The following KIFC2 variants were observed in gnomAD, a reference collection of about 807,000 sequenced individuals.
KIFC2 encodes the protein kinesin family member C2.
A neutral mutation model predicts 91.5 loss-of-function variants in KIFC2; 94 were observed. The observed-to-expected ratio is 1.03, with a 90% confidence interval of 0.87 to 1.22. The LOEUF (loss-of-function observed/expected upper bound fraction) is 1.22. Among genes scored for constraint, KIFC2 ranks in the 50% most tolerant of loss-of-function variants. KIFC2 has a pLI of 0.00. For missense variants in KIFC2, 1,357 were observed against 1,103.3 expected (o/e 1.23, Z -3.26); for synonymous variants, 729 against 503.9 (o/e 1.45, Z -5.98).
In KIFC2 at chr8:144,466,996, C is replaced by T; in HGVS notation, c.216C>T (p.Ala72=). The T allele has an allele frequency of 1.9e-6, 3 of 1,597,028 alleles. No individual in the cohort carries two copies. The highest frequency in any genetic ancestry group is 2.6e-6 in the Non-Finnish European group (3 of 1,176,138). ...CTGAGGATGGGTCGGAAGGCGCAGCCGAGGGCCGCGCGGCCGCGGTGTCCC... is the reference window on the plus strand; with the variant it reads ...CTGAGGATGGGTCGGAAGGCGCAGCTGAGGGCCGCGCGGCCGCGGTGTCCC... ...SEPEDGSEGA[A]EGRAAAVSLE... The change falls in exon 3 of 18, where the codon GCC becomes GCT. Residue 72 remains alanine, a synonymous_variant. Transcript: ENST00000645548.
intron 10 of KIFC2, 116 bp downstream of exon 10, chr8:144,468,950 C>G (rs1466661794): frequency 7.4e-6 from 6 of 808,094 alleles, no homozygotes; most frequent in Admixed American, 5.1e-5. Flanking sequence ...GGAACCCAAA[C>G]AGCTTCTGTG....
chr8:144,473,225 C>T lies in KIFC2; in HGVS notation c.2212C>T (p.Arg738Cys). 4 of 1,595,794 alleles carry T rather than the reference C, an allele frequency of 2.5e-6. No homozygotes were observed. The highest frequency in any genetic ancestry group is 2.6e-6 in the Non-Finnish European group (3 of 1,172,432). ...AGTGGAGCTGGGGCCAGCCCGGCGCCGCAGGGTCCCGCGCTCCTCCGGGAC... is the reference window on the plus strand; with the variant it reads ...AGTGGAGCTGGGGCCAGCCCGGCGCTGCAGGGTCCCGCGCTCCTCCGGGAC... ...GQVELGPARR[R>C]RVPRSSGTPS... is the part of the protein sequence containing the mutation. The change falls in exon 18 of 18, where the codon CGC becomes TGC. Residue 738 changes from arginine (R) to cysteine (C), a missense_variant. Transcript: ENST00000645548.
rs894315121 is a variant in KIFC2, at chr8:144,468,827, G to A, written c.1106G>A (p.Arg369Gln). The change falls in exon 10 of 18, where the codon CGG becomes CAG. Residue 369 changes from arginine to glutamine, a missense_variant. Physicochemically the swap from Arg to Gln is conservative, Grantham distance 43 (BLOSUM62 1). Coordinates refer to ENST00000645548, the MANE Select transcript of KIFC2 (RefSeq NM_001369769.2). Reference protein sequence around the residue: ...QSCQGSLSEARGQVSWALGAL... With the variant: ...QSCQGSLSEAQGQVSWALGAL... ...TGTCAGGGTTCGCTGAGTGAGGCCCGGGGCCAGGTCAGGACCCCTCCCCGC... is the reference window on the plus strand; with the variant it reads ...TGTCAGGGTTCGCTGAGTGAGGCCCAGGGCCAGGTCAGGACCCCTCCCCGC... The A allele has an allele frequency of 8.7e-6, 14 of 1,613,224 alleles. No individual in the cohort carries two copies. Among genetic ancestry groups the A allele is most frequent in the Admixed American group, 1.7e-5 (1 of 60,012 alleles).
Position 144,473,468 on chromosome 8 carries a change from G to A in KIFC2, c.*79G>A. On this transcript the variant is annotated 3_prime_UTR_variant, in exon 18 of 18. Transcript: ENST00000645548. ...GGCGGTAGTAAAGTCCCTGTACCCC[G>A]TCTCCCAGGGCACAAGCTCCCTAGC... The A allele has an allele frequency of 6.8e-7, 1 of 1,464,296 alleles. No homozygotes were observed. The highest frequency in any genetic ancestry group is 9.0e-7 in the Non-Finnish European group (1 of 1,110,486). The allele number at this position is 1,464,296 out of a possible 1,614,324, so 90.7% of individuals were successfully genotyped here. A position where few individuals can be genotyped will look rare whatever the true frequency, so the allele number is the denominator to read the frequency against.
rs919937688 is a variant in KIFC2, at chr8:144,468,590, C to T, written c.943C>T (p.Gln315Ter). The T allele has an allele frequency of 1.9e-6, 3 of 1,611,728 alleles. No homozygotes were observed. Among genetic ancestry groups the T allele is most frequent in the Non-Finnish European group, 2.5e-6 (3 of 1,179,022 alleles). ...QGLQGALQQLQQETEQNCRRE... is the reference protein window; with the variant it reads ...QGLQGALQQL ...CCTTCAAGGGGCCCTCCAGCAGCTC[C>T]AGCAGGAGACGGAGCAGAACTGCAG... The change falls in exon 9 of 18, where the codon CAG becomes TAG. Residue 315 changes from glutamine (Q) to a stop codon, truncating the protein, a stop_gained. Coordinates refer to ENST00000645548, the MANE Select transcript of KIFC2 (RefSeq NM_001369769.2). LOFTEE classifies it high-confidence loss of function.
At chr8:144,467,446 G>T in intron 4 of KIFC2, 39 bp from the exon 5 acceptor site, 1 of 1,542,234 alleles carries the variant, frequency 6.5e-7, no homozygotes, top group Non-Finnish European at 8.7e-7. Flanking sequence ...ATTTGGACTA[G>T]AGACCTCTTC....
At chr8:144,469,249 C>A in intron 10 of KIFC2, 22 bp from the exon 11 acceptor site, 1 of 1,557,576 alleles carries the variant, frequency 6.4e-7, no homozygotes, top group East Asian at 2.3e-5. Context: ...CCCTTGCCTT[C>A]TGTACATCCC....
In KIFC2 at chr8:144,468,384, C is replaced by G; in HGVS notation, c.866C>G (p.Thr289Ser). Residue 289 changes from threonine (T) to serine (S), a missense_variant, in exon 8 of 18, where the codon ACC becomes AGC. Transcript: ENST00000645548. ...LQGRLQEAQD[T>S]TEALRAQLGV... ...GGCCGGCTTCAGGAGGCCCAAGACACCACAGAAGCCCTCCGAGCCCAGGTG... is the reference window on the plus strand; with the variant it reads ...GGCCGGCTTCAGGAGGCCCAAGACAGCACAGAAGCCCTCCGAGCCCAGGTG... The G allele has an allele frequency of 4.3e-6, 7 of 1,612,976 alleles. No individual in the cohort carries two copies. Among genetic ancestry groups the G allele is most frequent in the Non-Finnish European group, 5.9e-6 (7 of 1,179,898 alleles).
Position 144,472,335 on chromosome 8 carries a change from A to G in KIFC2, c.1608-26A>G, listed in dbSNP as rs1564749943. 1.9e-6 allele frequency: 3 copies of G among 1,613,220 alleles called. No homozygotes were observed. In the African/African-American group the frequency reaches 4.0e-5, roughly 22 times the overall value. ...TTCCGGATTTCCAGAGAATTCTGGA[A>G]CCAAGACCTTCCCCTTTCTCACCAG... On this transcript the variant is annotated intron_variant, in intron 14 of 17. Transcript: ENST00000645548.
Position 144,474,192 on chromosome 8 carries a change from G to T in KIFC2, c.*803G>T, listed in dbSNP as rs781228976. On this transcript the variant is annotated 3_prime_UTR_variant, in exon 18 of 18. Coordinates refer to ENST00000645548, the MANE Select transcript of KIFC2 (RefSeq NM_001369769.2). ...CTCGCCTTGGCTCCCTGTCAACAAGGTGGGGGTGGGAGCGGGAGGGAGGAG... is the reference window on the plus strand; with the variant it reads ...CTCGCCTTGGCTCCCTGTCAACAAGTTGGGGGTGGGAGCGGGAGGGAGGAG... The T allele has an allele frequency of 7.0e-7, 1 of 1,427,798 alleles. No homozygotes were observed. Among genetic ancestry groups the T allele is most frequent in the South Asian group, 1.4e-5 (1 of 72,600 alleles). 88.4% of individuals were successfully genotyped at this position (1,427,798 alleles called of 1,614,324 possible).
rs1586726334 is a variant in KIFC2 at position 144,473,451 on chromosome 8, T to G, written c.*62T>G. On this transcript the variant is annotated 3_prime_UTR_variant, in exon 18 of 18. Coordinates refer to ENST00000645548, the MANE Select transcript of KIFC2 (RefSeq NM_001369769.2). Reference sequence around the variant, plus strand: ...AGGTCTCTGCTGGCAGAGGCGGTAGTAAAGTCCCTGTACCCCGTCTCCCAG... The same window carrying G: ...AGGTCTCTGCTGGCAGAGGCGGTAGGAAAGTCCCTGTACCCCGTCTCCCAG... The G allele has an allele frequency of 6.6e-7, 1 of 1,513,642 alleles. No homozygotes were observed. The highest frequency in any genetic ancestry group is 1.4e-5 in the African/African-American group (1 of 72,328). The allele number at this position is 1,513,642 out of a possible 1,614,324, so 93.8% of individuals were successfully genotyped here.
At chr8:144,469,024 A>C (rs1824815058) in intron 10 of KIFC2, among the ~76,000 whole-genome samples, 190 bp downstream of exon 10, 1 of 152,192 alleles carries the variant, frequency 6.6e-6, no homozygotes, top group Non-Finnish European at 1.5e-5. Flanking sequence ...GGTTGACAGT[A>C]AACTCTTAAA....
chr8:144,466,711 A>C, intron 1 of KIFC2, 49 bp from the exon 2 acceptor site: 1 of 1,422,130 alleles, frequency 7.0e-7, no homozygotes, highest in Non-Finnish European at 9.4e-7. Context: ...GGAAGGGGCC[A>C]GCAGGCTGCC....
chr8:144,473,035 C>T lies in KIFC2; in HGVS notation c.2102C>T (p.Ala701Val), dbSNP rs1192159300. 4 of 1,415,846 alleles carry T rather than the reference C, an allele frequency of 2.8e-6. No homozygotes were observed. Among genetic ancestry groups the T allele is most frequent in the East Asian group, 3.0e-5 (1 of 33,758 alleles). The allele number at this position is 1,415,846 out of a possible 1,614,324, so 87.7% of individuals were successfully genotyped here. ...LQPALGPGTT[A>V]VLLLQISTRP... is the part of the protein sequence containing the mutation. ...CCGGCGCTGGGCCCAGGCACCACCG[C>T]GGTGCTGCTGCTGCAGGTGGGCGCC... The change falls in exon 17 of 18, where the codon GCG (alanine) becomes GTG (valine). Residue 701 changes from alanine to valine, a missense_variant. Ala to Val is a moderately conservative substitution (Grantham distance 64, BLOSUM62 0). Coordinates refer to ENST00000645548, the MANE Select transcript of KIFC2 (RefSeq NM_001369769.2).
chr8:144,469,041 C>T (rs1824816084), intron 10 of KIFC2, among the ~76,000 whole-genome samples: 1 of 152,192 alleles, frequency 6.6e-6, no homozygotes, highest in Non-Finnish European at 1.5e-5. Flanking sequence ...TAAAGCATTG[C>T]CCAGAAGCAC....
rs745503715 is a variant in KIFC2, at chr8:144,473,660, C to CA, written c.*272dup. On this transcript the variant is annotated 3_prime_UTR_variant, in exon 18 of 18. Coordinates refer to ENST00000645548, the MANE Select transcript of KIFC2 (RefSeq NM_001369769.2). ...CATTTGCTGTTATCACGGCACACAGCAGGGAATCCCAGGCCCCCCCGCCAA... is the reference window on the plus strand; with the variant it reads ...CATTTGCTGTTATCACGGCACACAGCAAGGGAATCCCAGGCCCCCCCGCCAA... 1.5e-4 allele frequency: 75 copies of CA among 502,262 alleles called. No individual in the cohort carries two copies. Among genetic ancestry groups the CA allele is most frequent in the Non-Finnish European group, 2.4e-4 (71 of 293,188 alleles). The allele number at this position is 502,262 out of a possible 1,614,324, so 31.1% of individuals were successfully genotyped here. A position where few individuals can be genotyped will look rare whatever the true frequency, so the allele number is the denominator to read the frequency against.
At position 144,472,482 on chromosome 8, in the gene KIFC2, C is replaced by T; in HGVS notation, c.1729C>T (p.Gln577Ter). Residue 577 changes from glutamine to a stop codon, truncating the protein, a stop_gained and splice_region_variant, in exon 15 of 18, where the codon CAG (glutamine) becomes TAG (stop). Coordinates refer to ENST00000645548, the MANE Select transcript of KIFC2 (RefSeq NM_001369769.2). LOFTEE classifies it high-confidence loss of function. Reference sequence around the variant, plus strand: ...CGTGCCCAACCTGGAGACATTGCACCAGGTAGGGCTGCACCGCTCTCCGAG... The same window carrying T: ...CGTGCCCAACCTGGAGACATTGCACTAGGTAGGGCTGCACCGCTCTCCGAG... ...WDVPNLETLH[Q>*]MLKLGRSNRA... 6.2e-7 allele frequency: 1 copy of T among 1,611,346 alleles called. No homozygotes were observed. Among genetic ancestry groups the T allele is most frequent in the Non-Finnish European group, 8.5e-7 (1 of 1,179,136 alleles).
In KIFC2 at chr8:144,469,553, C is replaced by T. The variant is rs781441686; in HGVS notation, c.1286C>T (p.Pro429Leu). 7 of 1,613,692 alleles carry T rather than the reference C, an allele frequency of 4.3e-6. No homozygotes were observed. ...GTSSSLVSVE[P>L]GPGGTVTTCY... Reference sequence around the variant, plus strand: ...TCTTCTAGCCTTGTGAGTGTGGAGCCTGGCCCAGGGGGCACCGTCACCACC... The same window carrying T: ...TCTTCTAGCCTTGTGAGTGTGGAGCTTGGCCCAGGGGGCACCGTCACCACC... The change falls in exon 12 of 18, where the codon CCT (proline) becomes CTT (leucine). Residue 429 changes from proline (P) to leucine (L), a missense_variant. By Grantham distance (98) the Pro-to-Leu change is moderately conservative. Transcript: ENST00000645548.
rs1825064388 is a variant in KIFC2 at position 144,474,179 on chromosome 8, C to T, written c.*790C>T. 1 of 1,353,258 alleles carries T rather than the reference C, an allele frequency of 7.4e-7. No homozygotes were observed. 83.8% of individuals were successfully genotyped at this position (1,353,258 alleles called of 1,614,324 possible). A position where few individuals can be genotyped will look rare whatever the true frequency, so the allele number is the denominator to read the frequency against. ...CGCAGACAGCCGCCTCGCCTTGGCTCCCTGTCAACAAGGTGGGGGTGGGAG... is the reference window on the plus strand; with the variant it reads ...CGCAGACAGCCGCCTCGCCTTGGCTTCCTGTCAACAAGGTGGGGGTGGGAG... On this transcript the variant is annotated 3_prime_UTR_variant, in exon 18 of 18. Transcript: ENST00000645548.
Sources: gnomAD v4.1 joint callset for allele counts (sites outside exome capture counted in the v4.1 genomes callset) on GRCh38, gnomAD v4.1.1 for gene constraint, MANE v1.5 for transcripts, NCBI Gene and HGNC (gene_info 2026-07-23, HGNC 2026-07-21) for gene names.